Variants in CFHR1 observed in about 807,000 individuals in gnomAD.
The protein encoded by CFHR1 is complement factor H-related protein 1.
CFHR1 carries 22 observed loss-of-function variants against 30.4 expected under a neutral mutation model. The ratio of observed to expected loss-of-function variants is 0.72; its 90% confidence interval spans 0.52 to 1.03. CFHR1 has a LOEUF of 1.03. Among genes scored for constraint, CFHR1 ranks in the 50% least tolerant of loss-of-function variants. The pLI is 0.00. For missense variants in CFHR1, 248 were observed against 380.6 expected (o/e 0.65, Z 2.90); for synonymous variants, 95 against 129.1 (o/e 0.74, Z 1.79).
chr1:196,828,581 T>C (rs1297151575), intron 4 of CFHR1, among the ~76,000 whole-genome samples: 3 of 130,728 alleles, frequency 2.3e-5, no homozygotes, highest in African/African-American at 3.4e-5. Context: ...AGATATGGAA[T>C]AGGCAGTTGA....
In CFHR1 at chr1:196,830,686, A is replaced by G. The variant is rs1278704152; in HGVS notation, c.790+4A>G. On this transcript the variant is annotated splice_donor_region_variant and intron_variant, in intron 5 of 5. Transcript: ENST00000320493. ...TCAGAACCACCAAAATGCTTACGTA[A>G]GTACTTTAATATTCACGTGGCTGGA... 4.1e-5 allele frequency: 62 copies of G among 1,523,168 alleles called. 8 individuals are homozygous for G. The highest frequency in any genetic ancestry group is 5.3e-5 in the Non-Finnish European group (60 of 1,127,708). The allele number at this position is 1,523,168 out of a possible 1,614,324, so 94.4% of individuals were successfully genotyped here.
chr1:196,824,639 T>C (rs1194557123), intron 1 of CFHR1, among the ~76,000 whole-genome samples: 1 of 129,420 alleles, frequency 7.7e-6, no homozygotes, highest in East Asian at 2.0e-4. Context: ...TGTTATATTG[T>C]ATCTTTAATT....
chr1:196,829,756 A>C (rs1272059350), intron 4 of CFHR1, among the ~76,000 whole-genome samples: 1 of 134,746 alleles, frequency 7.4e-6, no homozygotes, highest in Non-Finnish European at 1.6e-5. Context: ...GTTTTATTTT[A>C]ATGTATATTG....
intron 5 of CFHR1, 46 bp downstream of exon 5, chr1:196,830,728 GTC>G (rs1292297065): frequency 4.6e-6 from 7 of 1,510,910 alleles, no homozygotes; most frequent in Non-Finnish European, 6.3e-6. Flanking sequence ...AGTGTGATGA[GTC>G]TGATATTTTG....
At chr1:196,826,441 T>C (rs1445977158) in intron 2 of CFHR1, among the ~76,000 whole-genome samples, 1 of 127,906 alleles carries the variant, frequency 7.8e-6, no homozygotes, top group Non-Finnish European at 1.6e-5. Context: ...AGTGTTTATA[T>C]TTGATTTCAG....
At chr1:196,824,748 G>GTATATATATGTATATATA (rs1655256843) in intron 1 of CFHR1, among the ~76,000 whole-genome samples, 1 of 54,998 alleles carries the variant, frequency 1.8e-5, no homozygotes, top group Non-Finnish European at 3.1e-5. Flanking sequence ...GGGGCTGACT[G>GTATATATATGTATATATA]TATATATATA....
rs936602545 is a variant in CFHR1, at chr1:196,827,839, G to A, written c.431-231G>A. Among the ~76,000 whole-genome samples the A allele has an allele frequency of 7.5e-5, 10 of 132,638 alleles. 3 individuals carry two copies. The highest frequency in any genetic ancestry group is 3.3e-4 in the African/African-American group (10 of 30,646). The allele number at this position is 132,638 out of a possible 152,430, so 87.0% of individuals were successfully genotyped here. ...AAGGGAAAAATAAAGGTCTATCAGT[G>A]TTCTAGCGAAGGATGAAGAAGAAAT... On this transcript the variant is annotated intron_variant, in intron 3 of 5. Transcript: ENST00000320493.
intron 4 of CFHR1, among the ~76,000 whole-genome samples, chr1:196,829,009 TG>T (rs1027629804): frequency 7.5e-6 from 1 of 134,218 alleles, no homozygotes; most frequent in Admixed American, 7.2e-5. Flanking sequence ...CTGTTCCCTC[TG>T]GGTTTCAGTC....
chr1:196,822,413 G>A (rs1172838716), intron 1 of CFHR1, among the ~76,000 whole-genome samples: 1 of 131,548 alleles, frequency 7.6e-6, no homozygotes, highest in East Asian at 2.0e-4. Flanking sequence ...TGTGTCTTTC[G>A]AGATAATATT....
At position 196,831,855 on chromosome 1, in the gene CFHR1, A is replaced by G. The variant is rs931364188; in HGVS notation, c.849A>G (p.Thr283=). Residue 283 remains threonine, a synonymous_variant, in exon 6 of 6, where the codon ACA becomes ACG. Coordinates refer to ENST00000320493, the MANE Select transcript of CFHR1 (RefSeq NM_002113.3). The stretch of plus-strand genomic sequence containing the variant: ...ATTATAACATAGCATTAAGGTGGAC[A>G]GCCAAACAGAAGCTTTATTTGAGAA... ...MENYNIALRW[T]AKQKLYLRTG... The G allele has an allele frequency of 1.3e-6, 2 of 1,525,504 alleles. No homozygotes were observed. Among genetic ancestry groups the G allele is most frequent in the African/African-American group, 3.4e-5 (2 of 58,442 alleles). The allele number at this position is 1,525,504 out of a possible 1,614,324, so 94.5% of individuals were successfully genotyped here. A position where few individuals can be genotyped will look rare whatever the true frequency, so the allele number is the denominator to read the frequency against.
rs1655589035 is a variant in CFHR1, at chr1:196,832,068, A to T, written c.*69A>T. 1.1e-5 allele frequency: 15 copies of T among 1,395,676 alleles called. No homozygotes were observed. The East Asian group carries it at 2.4e-4, about 22-fold the overall frequency. 86.5% of individuals were successfully genotyped at this position (1,395,676 alleles called of 1,614,324 possible). On this transcript the variant is annotated 3_prime_UTR_variant, in exon 6 of 6. Coordinates refer to ENST00000320493, the MANE Select transcript of CFHR1 (RefSeq NM_002113.3). ...AAATCAGTTCTTAATTTCATTTTTA[A>T]GTATTGTTTTACTCCTTTTTATTCA... is the stretch of plus-strand genomic sequence containing the variant.
chr1:196,831,927 A>C lies in CFHR1; in HGVS notation c.921A>C (p.Ser307=). 6.6e-7 allele frequency: 1 copy of C among 1,525,768 alleles called. No homozygotes were observed. Among genetic ancestry groups the C allele is most frequent in the Non-Finnish European group, 8.9e-7 (1 of 1,129,326 alleles). The allele number at this position is 1,525,768 out of a possible 1,614,324, so 94.5% of individuals were successfully genotyped here. The part of the protein sequence containing the change: ...EFVCKRGYRL[S]SRSHTLRTTC... The stretch of plus-strand genomic sequence containing the variant: ...TGTGTAAACGGGGATATCGTCTTTC[A>C]TCACGTTCTCACACATTGCGAACAA... Residue 307 remains serine (S), a synonymous_variant, in exon 6 of 6, where the codon TCA becomes TCC. Coordinates refer to ENST00000320493, the MANE Select transcript of CFHR1 (RefSeq NM_002113.3).
At chr1:196,821,920 C>T (rs1262060802) in intron 1 of CFHR1, among the ~76,000 whole-genome samples, 1 of 117,460 alleles carries the variant, frequency 8.5e-6, no homozygotes, top group African/African-American at 4.0e-5. Flanking sequence ...TATAGCCTGT[C>T]GCTCCTAGGC....
In CFHR1 at chr1:196,822,853, C is replaced by T. The variant is rs1246238093; in HGVS notation, c.59-2624C>T. ...TCTATATTATCATCATCAAGTATTA[C>T]GTACTGTACAAAATTGTGTGTGGCA... On this transcript the variant is annotated intron_variant, in intron 1 of 5. Transcript: ENST00000320493. Among the ~76,000 whole-genome samples, 10 of 134,988 alleles carry T rather than the reference C, an allele frequency of 7.4e-5. 2 individuals are homozygous for T. Among genetic ancestry groups the T allele is most frequent in the Admixed American group, 1.4e-4 (2 of 13,994 alleles). 88.6% of individuals were successfully genotyped at this position (134,988 alleles called of 152,430 possible). A position where few individuals can be genotyped will look rare whatever the true frequency, so the allele number is the denominator to read the frequency against.
chr1:196,820,844 T>C (rs1268804718), intron 1 of CFHR1: 1 of 132,076 alleles, frequency 7.6e-6, no homozygotes, highest in African/African-American at 3.5e-5. Flanking sequence ...TTGCTTGAAA[T>C]TCATTTTTTT....
In CFHR1 at chr1:196,825,003, A is replaced by G. The variant is rs1454033221; in HGVS notation, c.59-474A>G. On this transcript the variant is annotated intron_variant, in intron 1 of 5. Coordinates refer to ENST00000320493, the MANE Select transcript of CFHR1 (RefSeq NM_002113.3). ...ATTAATAAACAAAAAACAAAACTAC[A>G]TATCCAACATCTTTACTGCACCAGA... Among the ~76,000 whole-genome samples the G allele has an allele frequency of 3.1e-5, 4 of 130,110 alleles. 2 individuals are homozygous for G. Among genetic ancestry groups the G allele is most frequent in the African/African-American group, 6.8e-5 (2 of 29,556 alleles). The allele number at this position is 130,110 out of a possible 152,430, so 85.4% of individuals were successfully genotyped here.
chr1:196,826,738 C>T lies in CFHR1; in HGVS notation c.254-91C>T, dbSNP rs1401674070. On this transcript the variant is annotated intron_variant, in intron 2 of 5. Coordinates refer to ENST00000320493, the MANE Select transcript of CFHR1 (RefSeq NM_002113.3). ...GCGCAGAGATTACCAGAGTGAGCCA[C>T]TTCACCCGGTTTATTAAAATATTTT... The T allele has an allele frequency of 1.4e-5, 17 of 1,237,564 alleles. 5 individuals carry two copies. The highest frequency in any genetic ancestry group is 1.9e-5 in the Non-Finnish European group (17 of 890,830). The allele number at this position is 1,237,564 out of a possible 1,614,324, so 76.7% of individuals were successfully genotyped here. A position where few individuals can be genotyped will look rare whatever the true frequency, so the allele number is the denominator to read the frequency against.
At chr1:196,823,577 A>G (rs147707999) in intron 1 of CFHR1, among the ~76,000 whole-genome samples, 3,128 of 135,840 alleles carry the variant, frequency 0.023, 571 homozygotes, top group South Asian at 0.057. Flanking sequence ...ATTGTGCAAC[A>G]TTAAACATTA....
intron 1 of CFHR1, among the ~76,000 whole-genome samples, chr1:196,822,117 T>A (rs1192958979): frequency 4.6e-5 from 6 of 131,494 alleles, no homozygotes; most frequent in African/African-American, 2.0e-4. Context: ...TCTCAGTAAG[T>A]CATTACATGA....
Sources: allele counts gnomAD v4.1 joint callset (sites outside exome capture counted in the v4.1 genomes callset), GRCh38; gene constraint gnomAD v4.1.1; transcripts MANE v1.5; gene names NCBI Gene and HGNC (gene_info 2026-07-23, HGNC 2026-07-21).